Variants in VTI1A observed in about 807,000 individuals in gnomAD.
VTI1A encodes the protein vesicle transport through interaction with t-SNAREs homolog 1A.
A neutral mutation model predicts 34.9 loss-of-function variants in VTI1A; 22 were observed. The observed-to-expected ratio is 0.63, with a 90% CI of 0.45 to 0.90. The LOEUF is 0.90. Ranked by LOEUF, VTI1A falls within the 40% of genes least tolerant of loss-of-function variation. The probability of loss-of-function intolerance (pLI) is 0.00; values close to 1 mark genes in which losing one functional copy is unlikely to be tolerated. For synonymous variants in VTI1A, 87 were observed against 97.3 expected (o/e 0.89, Z 0.62); for missense variants, 268 against 275.6 (o/e 0.97, Z 0.20).
At chr10:112,649,431 A>G (rs560938215) in intron 5 of VTI1A, among the ~76,000 whole-genome samples, 50 of 152,318 alleles carry the variant, frequency 3.3e-4, no homozygotes, top group African/African-American at 1.1e-3. Flanking sequence ...AAATAATATC[A>G]ATCTAGTGCC....
Position 112,692,842 on chromosome 10 carries a change from C to G in VTI1A, c.560+23844C>G, listed in dbSNP as rs1003960497. ...CATCACAGTGGGAACCACTGCTGCA[C>G]TGGCCTTGGCGGGTTCCTTGCCCAT... On this transcript the variant is annotated intron_variant, in intron 7 of 7. Transcript: ENST00000393077. Among the ~76,000 whole-genome samples, 39 of 152,376 alleles carry G rather than the reference C, an allele frequency of 2.6e-4. No homozygotes were observed. The East Asian group carries it at 2.7e-3, about 11-fold the overall frequency.
chr10:112,589,018 C>CTTTT (rs3057340), intron 5 of VTI1A, among the ~76,000 whole-genome samples: 2 of 129,264 alleles, frequency 1.5e-5, no homozygotes, highest in African/African-American at 2.9e-5. Flanking sequence ...GACTCCTTGT[C>CTTTT]TTTTTTTTTT....
At chr10:112,581,159 G>C (rs1005012235) in intron 5 of VTI1A, among the ~76,000 whole-genome samples, 1 of 152,220 alleles carries the variant, frequency 6.6e-6, no homozygotes, top group African/African-American at 2.4e-5. Context: ...ACAGGGAGGA[G>C]AGTGTAGTCC....
At chr10:112,812,622 A>T (rs993486805) in intron 7 of VTI1A, among the ~76,000 whole-genome samples, 2 of 151,508 alleles carry the variant, frequency 1.3e-5, no homozygotes, top group Admixed American at 6.6e-5. Flanking sequence ...CATTTGCACA[A>T]CTCCTTTGAG....
intron 5 of VTI1A, among the ~76,000 whole-genome samples, chr10:112,571,858 G>A (rs1034323573): frequency 5.3e-5 from 8 of 152,114 alleles, no homozygotes; most frequent in African/African-American, 1.9e-4. Context: ...TGAAGCTGGA[G>A]GTCATTATCC....
At chr10:112,688,448 T>C (rs1848501571) in intron 7 of VTI1A, among the ~76,000 whole-genome samples, 1 of 152,056 alleles carries the variant, frequency 6.6e-6, no homozygotes, top group South Asian at 2.1e-4. Context: ...GCTCTAATTG[T>C]AGTGTAGCCA....
At chr10:112,797,200 C>T (rs560961318) in intron 7 of VTI1A, among the ~76,000 whole-genome samples, 24 of 152,124 alleles carry the variant, frequency 1.6e-4, no homozygotes, top group Admixed American at 8.5e-4. Flanking sequence ...TATCTGTCTC[C>T]GAGTAGGTTC....
intron 5 of VTI1A, among the ~76,000 whole-genome samples, chr10:112,635,023 A>C (rs1004959422): frequency 1.3e-5 from 2 of 152,196 alleles, no homozygotes; most frequent in Non-Finnish European, 2.9e-5. Flanking sequence ...AGCTAATTCT[A>C]GGAGTCTCCT....
chr10:112,598,239 T>C (rs576496256), intron 5 of VTI1A, among the ~76,000 whole-genome samples: 28 of 152,346 alleles, frequency 1.8e-4, no homozygotes, highest in African/African-American at 6.3e-4. Flanking sequence ...TGTCTTCAGC[T>C]TAACCCCTTT....
At chr10:112,688,873 T>C (rs1343914754) in intron 7 of VTI1A, among the ~76,000 whole-genome samples, 1 of 152,144 alleles carries the variant, frequency 6.6e-6, no homozygotes, top group Non-Finnish European at 1.5e-5. Context: ...ATTATAGTTA[T>C]TGTCAGTAGT....
intron 5 of VTI1A, among the ~76,000 whole-genome samples, chr10:112,622,923 A>G (rs1223385272): frequency 1.3e-5 from 2 of 152,224 alleles, no homozygotes. Flanking sequence ...TGGAGTTAGT[A>G]AGCAATTTCA....
rs187081764 is a variant in VTI1A at position 112,607,881 on chromosome 10, A to G, written c.428-60337A>G. Among the ~76,000 whole-genome samples the G allele has an allele frequency of 1.9e-4, 29 of 152,324 alleles. 1 individual carries two copies. The highest frequency in any genetic ancestry group is 6.7e-4 in the African/African-American group (28 of 41,560). ...AAGTATCCACATGGGCCTCTCCATA[A>G]GTGAGTGTTCTCACAACATGGCAGC... is the stretch of plus-strand genomic sequence containing the variant. On this transcript the variant is annotated intron_variant, in intron 5 of 7. Coordinates refer to ENST00000393077, the MANE Select transcript of VTI1A (RefSeq NM_145206.4).
the VTI1A span, among the ~76,000 whole-genome samples, chr10:112,844,573 A>G: frequency 6.6e-6 from 1 of 152,076 alleles, no homozygotes; most frequent in East Asian, 1.9e-4. Context: ...TAATTTTCGT[A>G]TTTTTAGTAG....
intron 5 of VTI1A, among the ~76,000 whole-genome samples, chr10:112,635,488 G>C (rs1157563928): frequency 6.6e-6 from 1 of 152,134 alleles, no homozygotes; most frequent in Non-Finnish European, 1.5e-5. Context: ...AATTCTGAAA[G>C]GTTCTAAATG....
At position 112,767,520 on chromosome 10, in the gene VTI1A, G is replaced by T. The variant is rs1851682645; in HGVS notation, c.561-47770G>T. Among the ~76,000 whole-genome samples, 1 of 152,184 alleles carries T rather than the reference G, an allele frequency of 6.6e-6. No homozygotes were observed. ...AAGCACAAGGAGAGAAACCATTCTA[G>T]TGTATTTGTGCTAGTTCTGAAAACA... On this transcript the variant is annotated intron_variant, in intron 7 of 7. Transcript: ENST00000393077. The surrounding 1 kb of genome is among the most constrained non-coding windows in gnomAD (Gnocchi z 4.0).
intron 7 of VTI1A, among the ~76,000 whole-genome samples, chr10:112,790,533 T>C (rs1170087304): frequency 6.6e-6 from 1 of 152,192 alleles, no homozygotes; most frequent in Non-Finnish European, 1.5e-5. Flanking sequence ...ATTCATTACC[T>C]ACCGAGTTTG....
In VTI1A at chr10:112,489,274, A is replaced by G. The variant is rs185956800; in HGVS notation, c.264+24617A>G. On this transcript the variant is annotated intron_variant, in intron 3 of 7. Coordinates refer to ENST00000393077, the MANE Select transcript of VTI1A (RefSeq NM_145206.4). ...AAATTTTTATAACTCAGCTCTGTCA[A>G]TTTCCTGGACTTATTGGAAGATACA... 1.9e-4 allele frequency among the ~76,000 whole-genome samples: 29 copies of G among 152,224 alleles called. No individual in the cohort carries two copies. In the East Asian group the frequency reaches 5.6e-3, roughly 29 times the overall value.
At chr10:112,623,475 C>T (rs952757552) in intron 5 of VTI1A, among the ~76,000 whole-genome samples, 27 of 119,522 alleles carry the variant, frequency 2.3e-4, no homozygotes, top group African/African-American at 5.7e-4. Flanking sequence ...TGAATCTTTT[C>T]TTTCCTTTGG....
intron 3 of VTI1A, among the ~76,000 whole-genome samples, chr10:112,512,108 C>T (rs1849634550): frequency 6.6e-6 from 1 of 152,050 alleles, no homozygotes. Flanking sequence ...TCGAATGGTA[C>T]TTCTATTTTT....
Sources: gnomAD v4.1 joint callset for allele counts (sites outside exome capture counted in the v4.1 genomes callset) on GRCh38, gnomAD v4.1.1 for gene constraint, Gnocchi (gnomAD v3.1) non-coding constraint, MANE v1.5 for transcripts, NCBI Gene and HGNC (gene_info 2026-07-23, HGNC 2026-07-21) for gene names.